Variants in SLC5A1 observed in about 807,000 individuals in gnomAD.
The protein encoded by SLC5A1 is solute carrier family 5 member 1.
Under a neutral mutation model 73.5 loss-of-function variants are expected in SLC5A1, and 42 were observed. The observed-to-expected ratio is 0.57, with a 90% CI of 0.45 to 0.74. SLC5A1 has a LOEUF of 0.74. SLC5A1 is among the 30% of genes least tolerant of loss of function. The pLI is 0.00. For missense variants in SLC5A1, 634 were observed against 855.4 expected (o/e 0.74, Z 3.23); for synonymous variants, 300 against 317.4 (o/e 0.95, Z 0.58).
chr22:32,103,769 G>A (rs1453666044), intron 13 of SLC5A1, among the ~76,000 whole-genome samples: 1 of 152,136 alleles, frequency 6.6e-6, no homozygotes, highest in East Asian at 1.9e-4. Context: ...ACCATAGGAT[G>A]TAAAACATTT....
rs535958613 is a variant in SLC5A1, at chr22:32,092,096, C to G, written c.1280+334C>G. On this transcript the variant is annotated intron_variant, in intron 11 of 14. Transcript: ENST00000266088. ...TTTGTAATCTTTTATCCCTCGCCCC[C>G]CTCCCACCCGTTTCCCGTGAGTCCC... Among the ~76,000 whole-genome samples the G allele has an allele frequency of 2.0e-5, 3 of 152,162 alleles. No homozygotes were observed. In the East Asian group the frequency reaches 5.8e-4, roughly 29 times the overall value.
At chr22:32,049,131 T>C (rs1298557016) in intron 1 of SLC5A1, among the ~76,000 whole-genome samples, 1 of 142,684 alleles carries the variant, frequency 7.0e-6, no homozygotes, top group Non-Finnish European at 1.5e-5. Flanking sequence ...ATATATATAA[T>C]CATTATATAT....
At chr22:32,091,579 G>T in intron 10 of SLC5A1, 33 bp from the exon 11 acceptor site, 1 of 1,613,406 alleles carries the variant, frequency 6.2e-7, no homozygotes, top group Non-Finnish European at 8.5e-7. Context: ...TGAAGGTGCT[G>T]TTATGTGCCA....
At chr22:32,047,349 T>C (rs1328981064) in intron 1 of SLC5A1, among the ~76,000 whole-genome samples, 1 of 151,416 alleles carries the variant, frequency 6.6e-6, no homozygotes, top group East Asian at 1.9e-4. Flanking sequence ...CCTCACATTC[T>C]TCCTCTAAGC....
Position 32,043,768 on chromosome 22 carries a change from C to T in SLC5A1, c.135+352C>T, listed in dbSNP as rs1269642251. Reference sequence around the variant, plus strand: ...GGGCTCTGGGGCTTGGGAGATGAGCCTCTAGCAGGTGACTACTGTCCTACC... The same window carrying T: ...GGGCTCTGGGGCTTGGGAGATGAGCTTCTAGCAGGTGACTACTGTCCTACC... On this transcript the variant is annotated intron_variant, in intron 1 of 14. Transcript: ENST00000266088. This position sits in a 1 kb window ranked among gnomAD's most constrained non-coding sequence, Gnocchi z 6.5. Among the ~76,000 whole-genome samples, 1 of 152,140 alleles carries T rather than the reference C, an allele frequency of 6.6e-6. No homozygotes were observed. The highest frequency in any genetic ancestry group is 2.4e-5 in the African/African-American group (1 of 41,430).
intron 10 of SLC5A1, among the ~76,000 whole-genome samples, chr22:32,090,100 CAAA>C (rs11365344): frequency 8.5e-5 from 9 of 105,550 alleles, no homozygotes; most frequent in Non-Finnish European, 1.0e-4. Flanking sequence ...CCTTGTCTTT[CAAA>C]AAAAAAAAAA....
intron 12 of SLC5A1, 40 bp from the exon 13 acceptor site, chr22:32,101,982 G>A (rs749679104): frequency 1.4e-6 from 2 of 1,469,978 alleles, no homozygotes; most frequent in Admixed American, 3.4e-5. Context: ...CATCTGTTTT[G>A]TGTGTTCAGC....
At chr22:32,051,707 A>G (rs1398686625) in intron 2 of SLC5A1, among the ~76,000 whole-genome samples, 1 of 152,176 alleles carries the variant, frequency 6.6e-6, no homozygotes, top group Non-Finnish European at 1.5e-5. Flanking sequence ...AACAACAACA[A>G]AAATCCCAAA....
chr22:32,056,437 CT>C (rs35843263), intron 2 of SLC5A1, among the ~76,000 whole-genome samples: 6,728 of 121,494 alleles, frequency 0.055, 250 homozygotes, highest in African/African-American at 0.15. Context: ...ACCTTCCTGT[CT>C]TTTTTTTTTT....
intron 5 of SLC5A1, among the ~76,000 whole-genome samples, chr22:32,070,999 C>T (rs1389129984): frequency 6.6e-6 from 1 of 152,206 alleles, no homozygotes; most frequent in Non-Finnish European, 1.5e-5. Context: ...GTCTGTTCCC[C>T]TGCCCACTAG....
At chr22:32,105,593 C>G (rs1324358378) in intron 14 of SLC5A1, among the ~76,000 whole-genome samples, 1 of 152,166 alleles carries the variant, frequency 6.6e-6, no homozygotes, top group Non-Finnish European at 1.5e-5. Flanking sequence ...CCACACCCGG[C>G]CTTGCACTCT....
chr22:32,090,778 G>C (rs912160632), intron 10 of SLC5A1, among the ~76,000 whole-genome samples: 1 of 151,330 alleles, frequency 6.6e-6, no homozygotes, highest in Admixed American at 6.6e-5. Flanking sequence ...TATGGTAGCT[G>C]AATGTTTAAC....
intron 12 of SLC5A1, among the ~76,000 whole-genome samples, chr22:32,099,770 T>C (rs2094033286): frequency 3.3e-5 from 5 of 152,144 alleles, no homozygotes; most frequent in Admixed American, 3.3e-4. Flanking sequence ...TCCCTAGGCA[T>C]TCTGTAGCCT....
intron 2 of SLC5A1, among the ~76,000 whole-genome samples, chr22:32,065,809 T>C (rs1006805684): frequency 1.3e-5 from 2 of 152,228 alleles, no homozygotes; most frequent in Non-Finnish European, 2.9e-5. Flanking sequence ...AGCTGCCTTA[T>C]ACTGGGAATA....
rs200026740 is a variant in SLC5A1 at position 32,084,471 on chromosome 22, A to C, written c.697A>C (p.Met233Leu). 6.2e-7 allele frequency: 1 copy of C among 1,614,266 alleles called. No individual in the cohort carries two copies. Among genetic ancestry groups the C allele is most frequent in the South Asian group, 1.1e-5 (1 of 91,092 alleles). ...FHEVGGYDAF[M>L]EKYMKAIPTI... is the part of the protein sequence containing the mutation. Reference sequence around the variant, plus strand: ...CGAAGTGGGAGGCTATGACGCCTTCATGGAAAAGTACATGAAAGCCATTCC... The same window carrying C: ...CGAAGTGGGAGGCTATGACGCCTTCCTGGAAAAGTACATGAAAGCCATTCC... Residue 233 changes from methionine (M) to leucine (L), a missense_variant, in exon 8 of 15, where the codon ATG becomes CTG. Physicochemically the swap from Met to Leu is conservative, Grantham distance 15. This residue lies in a region of SLC5A1 where 422 missense variants were observed against 626.1 expected (regional missense o/e 0.67). Coordinates refer to ENST00000266088, the MANE Select transcript of SLC5A1 (RefSeq NM_000343.4).
At chr22:32,074,341 G>T (rs2093987413) in intron 5 of SLC5A1, among the ~76,000 whole-genome samples, 1 of 152,126 alleles carries the variant, frequency 6.6e-6, no homozygotes, top group South Asian at 2.1e-4. Flanking sequence ...AGCCCCCAGG[G>T]AGCTGAGGGA....
At chr22:32,057,145 G>A (rs1411145234) in intron 2 of SLC5A1, among the ~76,000 whole-genome samples, 1 of 152,200 alleles carries the variant, frequency 6.6e-6, no homozygotes, top group Non-Finnish European at 1.5e-5. Flanking sequence ...TGAAGGAGGG[G>A]AGGAAAAGGA....
chr22:32,052,407 T>C (rs776521813), intron 2 of SLC5A1, among the ~76,000 whole-genome samples: 5 of 152,220 alleles, frequency 3.3e-5, no homozygotes, highest in Non-Finnish European at 7.3e-5. Flanking sequence ...CAGCCACTTA[T>C]GATGTCACCA....
chr22:32,088,354 G>C lies in SLC5A1; in HGVS notation c.1129+2027G>C, dbSNP rs1483618882. Among the ~76,000 whole-genome samples, 4 of 51,972 alleles carry C rather than the reference G, an allele frequency of 7.7e-5. No individual in the cohort carries two copies. In the East Asian group the frequency reaches 2.0e-3, roughly 25 times the overall value. 34.1% of individuals were successfully genotyped at this position (51,972 alleles called of 152,430 possible). On this transcript the variant is annotated intron_variant, in intron 10 of 14. Transcript: ENST00000266088. ...TGCATTCCTTTTTTTTTTTTTTTTT[G>C]AGATGGAGTCTTGCTCTTATCACCC...
Sources: allele counts gnomAD v4.1 joint callset (sites outside exome capture counted in the v4.1 genomes callset), GRCh38; gene constraint gnomAD v4.1.1; regional missense constraint gnomAD v4.1.1; non-coding constraint Gnocchi (gnomAD v3.1); transcripts MANE v1.5; gene names NCBI Gene and HGNC (gene_info 2026-07-23, HGNC 2026-07-21).